Variants in BAZ2B observed in about 807,000 individuals in gnomAD.
BAZ2B encodes bromodomain adjacent to zinc finger domain protein 2B.
In BAZ2B, 91 loss-of-function variants were observed where a neutral mutation model predicts 246.0. That is an observed-to-expected ratio of 0.37 (90% CI 0.31 to 0.44). The LOEUF is 0.44. Among genes scored for constraint, BAZ2B ranks in the 20% least tolerant of loss-of-function variants. The pLI, the probability that BAZ2B is intolerant of heterozygous loss-of-function variation, is 1.00. For synonymous variants in BAZ2B, 855 were observed against 860.0 expected (o/e 0.99, Z 0.10); for missense variants, 2,332 against 2,533.7 (o/e 0.92, Z 1.71).
chr2:159,450,090 G>A (rs558981378), intron 4 of BAZ2B, among the ~76,000 whole-genome samples: 2 of 152,226 alleles, frequency 1.3e-5, no homozygotes, highest in East Asian at 3.9e-4. Flanking sequence ...AATTAAAGTG[G>A]AATTCATAGA....
intron 1 of BAZ2B, among the ~76,000 whole-genome samples, chr2:159,568,433 T>G (rs1683153646): frequency 6.6e-6 from 1 of 152,194 alleles, no homozygotes; most frequent in Admixed American, 6.6e-5. Context: ...ACAAAAAAAT[T>G]ATCAGATGAA....
At chr2:159,389,723 ACAAG>A (rs1166185584) in intron 20 of BAZ2B, among the ~76,000 whole-genome samples, 1 of 152,180 alleles carries the variant, frequency 6.6e-6, no homozygotes, top group Non-Finnish European at 1.5e-5. Flanking sequence ...ACTTATTAAT[ACAAG>A]CAGGTACATA....
chr2:159,429,252 T>G lies in BAZ2B; in HGVS notation c.2203A>C (p.Lys735Gln), dbSNP rs574099954. 1 of 1,544,532 alleles carries G rather than the reference T, an allele frequency of 6.5e-7. No homozygotes were observed. Among genetic ancestry groups the G allele is most frequent in the East Asian group, 2.3e-5 (1 of 44,206 alleles). ...CGTTCATCTGTTACTCTTCTTCTTT[T>G]GGAAGTGCCTTTAAAAAAATTCAAT... ...LTSSPHSGTSKRRRVTDEREL... is the reference protein window; with the variant it reads ...LTSSPHSGTSQRRRVTDEREL... The change falls in exon 11 of 37, where the codon AAA becomes CAA. Residue 735 changes from lysine (K) to glutamine (Q), a missense_variant. Physicochemically the swap from Lys to Gln is moderately conservative, Grantham distance 53. Around this residue, in one of 9 missense-constraint regions of BAZ2B, gnomAD observed 651 missense variants for 650.9 expected, o/e 1.00. Transcript: ENST00000392783.
At chr2:159,442,167 G>C (rs930635914) in intron 6 of BAZ2B, among the ~76,000 whole-genome samples, 3 of 152,158 alleles carry the variant, frequency 2.0e-5, no homozygotes, top group African/African-American at 7.2e-5. Flanking sequence ...TGCTTTACAT[G>C]TAGTCAGCAG....
chr2:159,571,339 G>A (rs985019857), intron 1 of BAZ2B, among the ~76,000 whole-genome samples: 3 of 152,152 alleles, frequency 2.0e-5, no homozygotes, highest in Non-Finnish European at 4.4e-5. Context: ...AATCTAGGAT[G>A]TGTAGATATA....
chr2:159,419,074 A>G (rs1307884556), intron 13 of BAZ2B, among the ~76,000 whole-genome samples: 2 of 152,220 alleles, frequency 1.3e-5, no homozygotes, highest in Non-Finnish European at 2.9e-5. Flanking sequence ...GTAAGTAAAC[A>G]AAGTTAATTT....
rs13016742 is a variant in BAZ2B at position 159,571,136 on chromosome 2, G to T, written c.-45-15271C>A. Among the ~76,000 whole-genome samples the T allele has an allele frequency of 7.9e-5, 12 of 152,292 alleles. No homozygotes were observed. In the East Asian group the frequency reaches 2.3e-3, roughly 29 times the overall value. ...ACCAAAGTGCTGGGATTATAGGCAC[G>T]AGCCACCACGCTCAGCCAGGATTTT... On this transcript the variant is annotated intron_variant, in intron 1 of 36. Transcript: ENST00000392783.
At chr2:159,429,914 T>C (rs1054693581) in intron 10 of BAZ2B, among the ~76,000 whole-genome samples, 2 of 152,190 alleles carry the variant, frequency 1.3e-5, no homozygotes, top group Admixed American at 6.6e-5. Context: ...AATATTTTAC[T>C]ATATACATCT....
chr2:159,380,911 C>T (rs2061928274), intron 25 of BAZ2B, among the ~76,000 whole-genome samples: 1 of 152,118 alleles, frequency 6.6e-6, no homozygotes, highest in Non-Finnish European at 1.5e-5. Flanking sequence ...GCTGATTTTG[C>T]TTTGTTTCCT....
the BAZ2B span, among the ~76,000 whole-genome samples, chr2:159,677,065 T>C: frequency 1.3e-5 from 2 of 149,236 alleles, no homozygotes; most frequent in Admixed American, 6.7e-5. Context: ...AAGTCCTGTA[T>C]TGTGCTGAAA....
chr2:159,531,103 A>G (rs2085334598), intron 2 of BAZ2B, among the ~76,000 whole-genome samples: 1 of 152,212 alleles, frequency 6.6e-6, no homozygotes, highest in South Asian at 2.1e-4. Context: ...ATGAATAATT[A>G]GGTGTATTCT....
the BAZ2B span, among the ~76,000 whole-genome samples, chr2:159,699,902 A>ACT: frequency 6.6e-6 from 1 of 152,066 alleles, no homozygotes; most frequent in African/African-American, 2.4e-5. Context: ...GGTGAGAGCT[A>ACT]CTCTCTGCTT....
intron 3 of BAZ2B, among the ~76,000 whole-genome samples, chr2:159,456,197 G>A (rs2075753777): frequency 6.6e-6 from 1 of 151,972 alleles, no homozygotes; most frequent in Non-Finnish European, 1.5e-5. Flanking sequence ...TCAAGGATTA[G>A]AAACTGATAG....
chr2:159,602,059 G>C (rs1324794193), intron 1 of BAZ2B, among the ~76,000 whole-genome samples: 2 of 152,132 alleles, frequency 1.3e-5, no homozygotes, highest in Non-Finnish European at 2.9e-5. Context: ...GGGGAAAACT[G>C]GAGTCTTCTG....
At chr2:159,600,080 T>G (rs755644143) in intron 1 of BAZ2B, among the ~76,000 whole-genome samples, 3 of 152,184 alleles carry the variant, frequency 2.0e-5, no homozygotes, top group Non-Finnish European at 4.4e-5. Context: ...AATTTTTAAA[T>G]GTCCTAGCTC....
intron 22 of BAZ2B, among the ~76,000 whole-genome samples, chr2:159,385,905 A>T (rs570364187): frequency 6.6e-6 from 1 of 152,274 alleles, no homozygotes; most frequent in South Asian, 2.1e-4. Flanking sequence ...TTTGGAATTA[A>T]GATAAACATG....
intron 3 of BAZ2B, chr2:159,460,829 A>G (rs1430894302): frequency 2.6e-5 from 4 of 152,148 alleles, no homozygotes; most frequent in African/African-American, 7.2e-5. Context: ...AAGAACAGAA[A>G]GAAGTCTACA....
At position 159,337,717 on chromosome 2, in the gene BAZ2B, T is replaced by C. The variant is rs767698672; in HGVS notation, c.5510A>G (p.His1837Arg). 1 of 1,614,198 alleles carries C rather than the reference T, an allele frequency of 6.2e-7. No homozygotes were observed. The highest frequency in any genetic ancestry group is 1.1e-5 in the South Asian group (1 of 91,086). ...SEREDLVYFE[H>R]KSFTKLCKEH... Reference sequence around the variant, plus strand: ...CTTGCACAATTTAGTAAATGATTTATGTTCAAAATATACCAAGTCCTCCCT... The same window carrying C: ...CTTGCACAATTTAGTAAATGATTTACGTTCAAAATATACCAAGTCCTCCCT... Residue 1837 changes from histidine to arginine, a missense_variant, in exon 32 of 37, where the codon CAT becomes CGT. Coordinates refer to ENST00000392783, the MANE Select transcript of BAZ2B (RefSeq NM_013450.4).
chr2:159,691,709 A>G, the BAZ2B span, among the ~76,000 whole-genome samples: 2 of 152,248 alleles, frequency 1.3e-5, no homozygotes, highest in East Asian at 1.9e-4. Context: ...TGGATCCTAT[A>G]GTGTTACTCA....
Sources: gnomAD v4.1 joint callset for allele counts (sites outside exome capture counted in the v4.1 genomes callset) on GRCh38, gnomAD v4.1.1 for gene constraint, gnomAD v4.1.1 regional missense constraint, MANE v1.5 for transcripts, NCBI Gene and HGNC (gene_info 2026-07-23, HGNC 2026-07-21) for gene names.